Variants in GLIS1 observed in about 807,000 individuals in gnomAD.
GLIS1 encodes zinc finger protein GLIS1.
GLIS1 carries 24 observed loss-of-function variants against 63.8 expected under a neutral mutation model. That is an observed-to-expected ratio of 0.38 (90% CI 0.27 to 0.53). GLIS1 has a LOEUF of 0.53. Among genes scored for constraint, GLIS1 ranks in the 20% least tolerant of loss-of-function variants. The probability of loss-of-function intolerance (pLI) is 0.85; values close to 1 mark genes in which losing one functional copy is unlikely to be tolerated. For synonymous variants in GLIS1, 450 were observed against 482.5 expected (o/e 0.93, Z 0.88); for missense variants, 1,036 against 1,074.1 (o/e 0.96, Z 0.50).
intron 2 of GLIS1, among the ~76,000 whole-genome samples, chr1:53,633,111 AGTGTGACTGAGGGGCATGTATAT>A (rs1645683473): frequency 8.9e-6 from 1 of 112,810 alleles, no homozygotes; most frequent in Non-Finnish European, 1.8e-5. Flanking sequence ...GGGGTGTGTG[AGTGTGACTGAGGGGCATGTATAT>A]GTGTGACTGA....
intron 4 of GLIS1, among the ~76,000 whole-genome samples, chr1:53,570,604 T>G (rs1285479928): frequency 2.0e-5 from 3 of 151,886 alleles, no homozygotes; most frequent in Non-Finnish European, 4.4e-5. Flanking sequence ...GGTGCAGGGG[T>G]AGAAAAACTC....
chr1:53,519,949 T>C (rs1398047558), intron 7 of GLIS1, among the ~76,000 whole-genome samples: 1 of 152,210 alleles, frequency 6.6e-6, no homozygotes, highest in African/African-American at 2.4e-5. Context: ...GAGCCTCTCT[T>C]GCTGATGCTT....
chr1:53,587,214 G>A (rs1645144912), intron 4 of GLIS1, among the ~76,000 whole-genome samples: 2 of 152,182 alleles, frequency 1.3e-5, no homozygotes, highest in South Asian at 4.1e-4. Context: ...AGGCATCCCT[G>A]GGTTGCTGTT....
At chr1:53,697,033 T>C (rs896637960) in intron 2 of GLIS1, among the ~76,000 whole-genome samples, 1 of 152,092 alleles carries the variant, frequency 6.6e-6, no homozygotes, top group Admixed American at 6.5e-5. Flanking sequence ...GGTGTGTCCA[T>C]ATTCACTGGG....
chr1:53,509,245 T>G lies in GLIS1; in HGVS notation c.2105A>C (p.Tyr702Ser). Residue 702 changes from tyrosine (Y) to serine (S), a missense_variant, in exon 10 of 11, where the codon TAT (tyrosine) becomes TCT (serine). Physicochemically the swap from Tyr to Ser is moderately radical, Grantham distance 144. This residue lies in a region of GLIS1 where 400 missense variants were observed against 400.9 expected (regional missense o/e 1.00). Transcript: ENST00000628545. ...SFHSIQSCFP[Y>S]GDCYRMAEPA... ...TTCAGCCATCCGGTAGCAGTCGCCA[T>G]AGGGGAAGCAACTCTGGATGGAGTG... is the stretch of plus-strand genomic sequence containing the variant. 6.3e-7 allele frequency: 1 copy of G among 1,595,412 alleles called. No individual in the cohort carries two copies. The highest frequency in any genetic ancestry group is 1.1e-5 in the South Asian group (1 of 87,868).
intron 4 of GLIS1, among the ~76,000 whole-genome samples, chr1:53,550,468 T>C (rs189973066): frequency 6.6e-6 from 1 of 152,336 alleles, no homozygotes; most frequent in Admixed American, 6.5e-5. Context: ...AGGTTCAAAC[T>C]GCCCTTTGAC....
intron 4 of GLIS1, among the ~76,000 whole-genome samples, chr1:53,556,350 GGT>G (rs1277168647): frequency 7.4e-6 from 1 of 135,222 alleles, no homozygotes; most frequent in Non-Finnish European, 1.6e-5. Flanking sequence ...GCATACTGCA[GGT>G]GTGTGTATGC....
chr1:53,576,391 A>G (rs1378623129), intron 4 of GLIS1, among the ~76,000 whole-genome samples: 1 of 152,188 alleles, frequency 6.6e-6, no homozygotes, highest in African/African-American at 2.4e-5. Flanking sequence ...TCCATAAAAG[A>G]GAGAGAATAA....
rs980359393 is a variant in GLIS1 at position 53,600,264 on chromosome 1, C to T, written c.274G>A (p.Gly92Arg). ...AAAGKVNGSY[G>R]HRTPGSEKSL... Reference sequence around the variant, plus strand: ...TTCTCTGAGCCCGGGGTACGGTGTCCGTAGCTCCCATTCACTAGGCAGAGA... The same window carrying T: ...TTCTCTGAGCCCGGGGTACGGTGTCTGTAGCTCCCATTCACTAGGCAGAGA... The change falls in exon 3 of 11, where the codon GGA (glycine) becomes AGA (arginine). Residue 92 changes from glycine to arginine, a missense_variant. By Grantham distance (125) the Gly-to-Arg change is moderately radical. Transcript: ENST00000628545. 14 of 1,231,900 alleles carry T rather than the reference C, an allele frequency of 1.1e-5. No homozygotes were observed. The highest frequency in any genetic ancestry group is 3.2e-5 in the East Asian group (1 of 31,710). 76.3% of individuals were successfully genotyped at this position (1,231,900 alleles called of 1,614,324 possible). A position where few individuals can be genotyped will look rare whatever the true frequency, so the allele number is the denominator to read the frequency against.
intron 2 of GLIS1, among the ~76,000 whole-genome samples, chr1:53,701,752 G>A (rs377328055): frequency 1.3e-5 from 2 of 152,112 alleles, no homozygotes; most frequent in East Asian, 3.9e-4. Flanking sequence ...CAGCACTTTG[G>A]GGGGCCGAGG....
intron 7 of GLIS1, among the ~76,000 whole-genome samples, chr1:53,517,604 C>G (rs1419244146): frequency 6.6e-6 from 1 of 151,056 alleles, no homozygotes; most frequent in African/African-American, 2.4e-5. Context: ...TACCCTGGAT[C>G]TGCTCAGGAT....
chr1:53,520,374 G>A (rs1644394946), intron 7 of GLIS1, among the ~76,000 whole-genome samples: 1 of 152,218 alleles, frequency 6.6e-6, no homozygotes, highest in African/African-American at 2.4e-5. Context: ...AGGCTGAGAC[G>A]GGTGAGGGCT....
chr1:53,608,013 G>A (rs765968870), intron 2 of GLIS1, among the ~76,000 whole-genome samples: 1 of 148,916 alleles, frequency 6.7e-6, no homozygotes, highest in Non-Finnish European at 1.5e-5. Context: ...CCAGGCTGGA[G>A]TGCAGTGGTG....
chr1:53,583,099 A>G (rs1645101722), intron 4 of GLIS1, among the ~76,000 whole-genome samples: 1 of 152,216 alleles, frequency 6.6e-6, no homozygotes, highest in Admixed American at 6.5e-5. Flanking sequence ...TCACATTTAA[A>G]TGTGGTAGGC....
At chr1:53,701,917 C>T (rs1274369184) in intron 2 of GLIS1, among the ~76,000 whole-genome samples, 1 of 149,420 alleles carries the variant, frequency 6.7e-6, no homozygotes, top group East Asian at 2.0e-4. Context: ...CACCTGAACC[C>T]GAGAGGCAGA....
chr1:53,607,885 T>C (rs1238602191), intron 2 of GLIS1, among the ~76,000 whole-genome samples: 2 of 152,122 alleles, frequency 1.3e-5, no homozygotes, highest in African/African-American at 4.8e-5. Flanking sequence ...ACAGCAGCCT[T>C]CTCACTATGT....
At chr1:53,631,842 C>G (rs1645655095) in intron 2 of GLIS1, among the ~76,000 whole-genome samples, 1 of 151,622 alleles carries the variant, frequency 6.6e-6, no homozygotes, top group Non-Finnish European at 1.5e-5. Context: ...AGTGCCAAGG[C>G]CCTGAGGGAG....
Position 53,574,754 on chromosome 1 carries a change from G to A in GLIS1, c.1320+19354C>T, listed in dbSNP as rs150088232. On this transcript the variant is annotated intron_variant, in intron 4 of 10. Coordinates refer to ENST00000628545, the MANE Select transcript of GLIS1 (RefSeq NM_001367484.1). The surrounding 1 kb of genome is among the most constrained non-coding windows in gnomAD (Gnocchi z 4.2). The stretch of plus-strand genomic sequence containing the variant: ...CATTCCAGCTGTACCATTAGCAAGG[G>A]GCACTGTGATCCTCATGGGGCCATG... 1.9e-4 allele frequency among the ~76,000 whole-genome samples: 29 copies of A among 152,320 alleles called. No individual in the cohort carries two copies. In the East Asian group the frequency reaches 5.6e-3, roughly 29 times the overall value.
rs558566259 is a variant in GLIS1, at chr1:53,670,567, C to T, written c.259+67239G>A. 5.9e-5 allele frequency among the ~76,000 whole-genome samples: 9 copies of T among 152,328 alleles called. No individual in the cohort carries two copies. The East Asian group carries it at 1.7e-3, about 29-fold the overall frequency. On this transcript the variant is annotated intron_variant, in intron 2 of 10. Coordinates refer to ENST00000628545, the MANE Select transcript of GLIS1 (RefSeq NM_001367484.1). ...TAAGAGGAAGACACCTTCCATCCAA[C>T]CCCTAACACACCAGCCACATGAAAT...
Sources: gnomAD v4.1 joint callset for allele counts (sites outside exome capture counted in the v4.1 genomes callset) on GRCh38, gnomAD v4.1.1 for gene constraint, gnomAD v4.1.1 regional missense constraint, Gnocchi (gnomAD v3.1) non-coding constraint, MANE v1.5 for transcripts, NCBI Gene and HGNC (gene_info 2026-07-23, HGNC 2026-07-21) for gene names.